The following TAFA1 variants were observed in gnomAD, a reference collection of about 807,000 sequenced individuals.
TAFA1 encodes chemokine-like protein TAFA-1.
In TAFA1, 4 loss-of-function variants were observed where a neutral mutation model predicts 18.5. That is an observed-to-expected ratio of 0.22 (90% CI 0.11 to 0.49). The LOEUF (loss-of-function observed/expected upper bound fraction) is 0.49. TAFA1 is among the 20% of genes least tolerant of loss of function. The pLI is 0.98. For synonymous variants in TAFA1, 56 were observed against 55.2 expected (o/e 1.01, Z -0.06); for missense variants, 147 against 169.0 (o/e 0.87, Z 0.72).
intron 2 of TAFA1, among the ~76,000 whole-genome samples, chr3:68,302,231 T>C (rs1374738602): frequency 6.6e-6 from 1 of 152,212 alleles, no homozygotes. Flanking sequence ...GAGGTGTTTA[T>C]TTCCAGGCCA....
chr3:68,528,218 G>A (rs997144360), intron 3 of TAFA1, among the ~76,000 whole-genome samples: 9 of 152,166 alleles, frequency 5.9e-5, no homozygotes, highest in African/African-American at 9.6e-5. Flanking sequence ...TAGGCATTAT[G>A]GTAAGTGCCT....
intron 2 of TAFA1, among the ~76,000 whole-genome samples, chr3:68,036,421 A>T (rs148400439): frequency 0.021 from 2,969 of 140,206 alleles, 60 homozygotes; most frequent in Middle Eastern, 0.043. Flanking sequence ...CCTTGGCGAC[A>T]GAGTGAGACT....
At chr3:68,076,945 T>G (rs2106762986) in intron 2 of TAFA1, among the ~76,000 whole-genome samples, 1 of 152,292 alleles carries the variant, frequency 6.6e-6, no homozygotes, top group Non-Finnish European at 1.5e-5. Flanking sequence ...GTGTTCCTAT[T>G]TCTCCACATC....
chr3:68,065,441 A>G (rs1010733213), intron 2 of TAFA1, among the ~76,000 whole-genome samples: 1 of 152,178 alleles, frequency 6.6e-6, no homozygotes, highest in Non-Finnish European at 1.5e-5. Context: ...TTACAAGGGC[A>G]CGTAATGAAC....
chr3:68,247,546 C>G (rs2067104233), intron 2 of TAFA1: 1 of 152,136 alleles, frequency 6.6e-6, no homozygotes. Context: ...CCCAGGCACA[C>G]TGAGGCCCGG....
intron 2 of TAFA1, among the ~76,000 whole-genome samples, chr3:68,197,544 C>T (rs1195734951): frequency 6.6e-6 from 1 of 151,188 alleles, no homozygotes; most frequent in East Asian, 2.0e-4. Flanking sequence ...GTGGCAACAT[C>T]TAATTATAAA....
chr3:68,097,962 G>A (rs2065106278), intron 2 of TAFA1, among the ~76,000 whole-genome samples: 1 of 152,128 alleles, frequency 6.6e-6, no homozygotes, highest in South Asian at 2.1e-4. Context: ...AGGCCTGAAA[G>A]TGTTGACAGG....
chr3:68,333,310 A>G (rs1048122308), intron 2 of TAFA1, among the ~76,000 whole-genome samples: 3 of 152,256 alleles, frequency 2.0e-5, no homozygotes, highest in Admixed American at 1.3e-4. Context: ...ATACTACTGC[A>G]CGTAGTGAGA....
intron 3 of TAFA1, among the ~76,000 whole-genome samples, chr3:68,483,305 T>A (rs1050161989): frequency 9.0e-6 from 1 of 110,926 alleles, no homozygotes; most frequent in Non-Finnish European, 1.9e-5. Context: ...CCAAGTATGG[T>A]CTCTTTCAAA....
intron 2 of TAFA1, among the ~76,000 whole-genome samples, chr3:68,164,660 T>G (rs886305615): frequency 6.0e-5 from 9 of 151,144 alleles, no homozygotes; most frequent in Admixed American, 2.0e-4. Context: ...TGTGTGTGTG[T>G]GGGAGGTAGT....
intron 2 of TAFA1, among the ~76,000 whole-genome samples, chr3:68,216,682 G>T (rs905705138): frequency 2.6e-5 from 4 of 152,020 alleles, no homozygotes; most frequent in Non-Finnish European, 5.9e-5. Flanking sequence ...ATAATTCTAG[G>T]AATGGGACAG....
Position 68,538,820 on chromosome 3 carries a change from G to T in TAFA1, c.324G>T (p.Lys108Asn). 1 of 1,613,552 alleles carries T rather than the reference G, an allele frequency of 6.2e-7. No homozygotes were observed. The highest frequency in any genetic ancestry group is 2.2e-5 in the East Asian group (1 of 44,862). ...MEPCLEGEEC[K>N]TLPDNSGWMC... is the part of the protein sequence containing the mutation. ...CTTGCCTAGAAGGAGAAGAATGTAA[G>T]ACACTCCCTGACAATTCTGGATGGA... is the stretch of plus-strand genomic sequence containing the variant. Residue 108 changes from lysine to asparagine, a missense_variant, in exon 4 of 5, where the codon AAG becomes AAT. Coordinates refer to ENST00000478136, the MANE Select transcript of TAFA1 (RefSeq NM_213609.4).
chr3:68,436,021 A>C (rs2071262847), intron 3 of TAFA1, among the ~76,000 whole-genome samples: 3 of 152,170 alleles, frequency 2.0e-5, no homozygotes, highest in African/African-American at 7.2e-5. Context: ...AAGCTCCATG[A>C]GGGATACTAA....
At chr3:68,387,751 A>C (rs75714979) in intron 2 of TAFA1, among the ~76,000 whole-genome samples, 2,232 of 152,240 alleles carry the variant, frequency 0.015, 55 homozygotes, top group South Asian at 0.048. Context: ...TCAGTAGTAC[A>C]TGTAGGCTCT....
chr3:68,456,697 T>C (rs1005254022), intron 3 of TAFA1, among the ~76,000 whole-genome samples: 6 of 152,178 alleles, frequency 3.9e-5, no homozygotes, highest in Admixed American at 2.6e-4. Flanking sequence ...AAAAGCTTCA[T>C]TTCAATATGA....
rs138266977 is a variant in TAFA1 at position 68,431,953 on chromosome 3, G to A, written c.259+14533G>A. ...GTAAGCGTGAGGAACATGACTGGGG[G>A]CTACATACATCAGCTAACAAAACAA... On this transcript the variant is annotated intron_variant, in intron 3 of 4. Coordinates refer to ENST00000478136, the MANE Select transcript of TAFA1 (RefSeq NM_213609.4). Among the ~76,000 whole-genome samples, 185 of 152,008 alleles carry A rather than the reference G, an allele frequency of 1.2e-3. 1 individual carries two copies. Among genetic ancestry groups the A allele is most frequent in the African/African-American group, 4.3e-3 (177 of 41,482 alleles).
intron 2 of TAFA1, among the ~76,000 whole-genome samples, chr3:68,232,805 C>T (rs369223799): frequency 3.3e-5 from 5 of 151,996 alleles, no homozygotes; most frequent in South Asian, 2.1e-4. Flanking sequence ...GGTCTCGTTA[C>T]GTTTCTCAGT....
chr3:68,201,404 T>C (rs2066468466), intron 2 of TAFA1, among the ~76,000 whole-genome samples: 1 of 151,734 alleles, frequency 6.6e-6, no homozygotes, highest in Non-Finnish European at 1.5e-5. Context: ...GGTTCACTTG[T>C]GGTGGTGGTG....
intron 2 of TAFA1, among the ~76,000 whole-genome samples, chr3:68,073,321 C>T (rs949913228): frequency 6.6e-6 from 1 of 152,202 alleles, no homozygotes; most frequent in Admixed American, 6.5e-5. Flanking sequence ...GAATGATTTA[C>T]TCCAGGTTTC....
Sources: gnomAD v4.1 joint callset for allele counts (sites outside exome capture counted in the v4.1 genomes callset) on GRCh38, gnomAD v4.1.1 for gene constraint, MANE v1.5 for transcripts, NCBI Gene and HGNC (gene_info 2026-07-23, HGNC 2026-07-21) for gene names.